MYO6: variants seen among roughly 807,000 people sequenced by gnomAD.
The protein encoded by MYO6 is unconventional myosin-VI.
MYO6 carries 74 observed loss-of-function variants against 178.7 expected under a neutral mutation model. That is an observed-to-expected ratio of 0.41 (90% CI 0.34 to 0.50). The LOEUF is 0.50. Ranked by LOEUF, MYO6 falls within the 20% of genes least tolerant of loss-of-function variation. MYO6 has a pLI of 0.09. For synonymous variants in MYO6, 477 were observed against 504.6 expected, an observed-to-expected ratio of 0.95 and a Z score of 0.73; for missense variants, 1,330 against 1,547.4, an observed-to-expected ratio of 0.86 and a Z score of 2.36.
intron 28 of MYO6, 27 bp downstream of exon 28, chr6:75,892,717 G>A (rs759982283): frequency 9.5e-5 from 153 of 1,611,390 alleles, no homozygotes; most frequent in Admixed American, 1.7e-4. Context: ...GTGGGGTATA[G>A]CGCTCTCTCC....
At chr6:75,831,488 A>C (rs1773070097) in intron 5 of MYO6, among the ~76,000 whole-genome samples, 1 of 152,252 alleles carries the variant, frequency 6.6e-6, no homozygotes, top group Non-Finnish European at 1.5e-5. Flanking sequence ...CCCATCCCTT[A>C]GAACCTGAAT....
chr6:75,785,530 G>A (rs1048304391), intron 1 of MYO6, among the ~76,000 whole-genome samples: 1 of 146,792 alleles, frequency 6.8e-6, no homozygotes, highest in East Asian at 2.0e-4. Context: ...AGACTGCAGT[G>A]GCTATTCACA....
chr6:75,822,499 A>C (rs1771994023), intron 2 of MYO6, among the ~76,000 whole-genome samples: 1 of 139,018 alleles, frequency 7.2e-6, no homozygotes. Context: ...TTTAATATTA[A>C]TATACCTCTT....
At chr6:75,767,342 G>T (rs539539757) in intron 1 of MYO6, among the ~76,000 whole-genome samples, 1 of 151,918 alleles carries the variant, frequency 6.6e-6, no homozygotes, top group South Asian at 2.1e-4. Context: ...TTATTCTTGA[G>T]TGTTGCATTC....
chr6:75,877,967 A>G (rs1777695761), intron 20 of MYO6, among the ~76,000 whole-genome samples: 1 of 152,178 alleles, frequency 6.6e-6, no homozygotes. Context: ...GTACTTGTTT[A>G]TTTGATACAA....
chr6:75,752,413 A>G (rs1481487861), intron 1 of MYO6, among the ~76,000 whole-genome samples: 5 of 152,194 alleles, frequency 3.3e-5, no homozygotes, highest in Admixed American at 2.6e-4. Flanking sequence ...CTTGATCTAC[A>G]AAATAATTTT....
intron 16 of MYO6, 44 bp from the exon 17 acceptor site, chr6:75,866,482 A>G: frequency 7.1e-7 from 1 of 1,406,740 alleles, no homozygotes; most frequent in Non-Finnish European, 1.0e-6. Flanking sequence ...ATTATGTAAT[A>G]TATTTTTGAT....
At chr6:75,844,568 TGATTTTATACACTATGTTTA>T (rs1774546543) in intron 9 of MYO6, among the ~76,000 whole-genome samples, 1 of 152,162 alleles carries the variant, frequency 6.6e-6, no homozygotes, top group Admixed American at 6.5e-5. Flanking sequence ...GTGATTTTCA[TGATTTTATACACTATGTTTA>T]GATTTTTGAT....
intron 1 of MYO6, among the ~76,000 whole-genome samples, chr6:75,806,914 C>CTG (rs112070100): frequency 1.3e-4 from 20 of 151,970 alleles, no homozygotes; most frequent in South Asian, 8.3e-4. Context: ...CTCTATATTT[C>CTG]TGTGTGTGTG....
At chr6:75,777,610 T>TA (rs1562142373) in intron 1 of MYO6, among the ~76,000 whole-genome samples, 5 of 150,652 alleles carry the variant, frequency 3.3e-5, no homozygotes, top group African/African-American at 1.2e-4. Flanking sequence ...ATATATATAT[T>TA]TTTTTTTGTG....
At chr6:75,826,440 A>T (rs1487061929) in intron 3 of MYO6, among the ~76,000 whole-genome samples, 1 of 152,200 alleles carries the variant, frequency 6.6e-6, no homozygotes, top group East Asian at 1.9e-4. Context: ...GTGTAGGCTT[A>T]TATGATTAGC....
At chr6:75,850,313 A>G (rs1775139783) in intron 11 of MYO6, among the ~76,000 whole-genome samples, 1 of 152,240 alleles carries the variant, frequency 6.6e-6, no homozygotes, top group Admixed American at 6.5e-5. Flanking sequence ...GACTCTTCTT[A>G]TTCTGCATTT....
At chr6:75,869,319 A>G in intron 18 of MYO6, among the ~76,000 whole-genome samples, 1 of 152,110 alleles carries the variant, frequency 6.6e-6, no homozygotes, top group Non-Finnish European at 1.5e-5. Flanking sequence ...TATGTGATGT[A>G]TACTGTAATA....
chr6:75,832,391 G>GA (rs1231365682), intron 5 of MYO6, among the ~76,000 whole-genome samples: 5 of 151,998 alleles, frequency 3.3e-5, no homozygotes, highest in African/African-American at 1.2e-4. Flanking sequence ...TTGTATTAGA[G>GA]AAAAAAACCC....
rs1775620250 is a variant in MYO6, at chr6:75,855,040, T to C, written c.1079-99T>C. ...AGTTACAAATAAGCCTTGCCTATTA[T>C]ATGGTTTTTTGTAAGTGAAGTATAA... On this transcript the variant is annotated intron_variant, in intron 11 of 34. Coordinates refer to ENST00000369977, the MANE Select transcript of MYO6 (RefSeq NM_004999.4). 7 of 1,085,522 alleles carry C rather than the reference T, an allele frequency of 6.4e-6. No individual in the cohort carries two copies. In the South Asian group the frequency reaches 8.5e-5, roughly 13 times the overall value. 67.2% of individuals were successfully genotyped at this position (1,085,522 alleles called of 1,614,324 possible).
intron 23 of MYO6, 113 bp from the exon 24 acceptor site, chr6:75,885,891 G>T (rs1231609612): frequency 2.9e-6 from 2 of 693,914 alleles, no homozygotes; most frequent in Non-Finnish European, 2.5e-6. Context: ...TAATAATATG[G>T]TCGTCAAGAT....
chr6:75,806,134 A>G (rs1212381423), intron 1 of MYO6, among the ~76,000 whole-genome samples: 1 of 152,234 alleles, frequency 6.6e-6, no homozygotes, highest in East Asian at 1.9e-4. Context: ...ACATTAAAAA[A>G]AGAGGTTTAT....
rs6911870 is a variant in MYO6, at chr6:75,842,756, C to T, written c.816+1378C>T. On this transcript the variant is annotated intron_variant, in intron 9 of 34. Coordinates refer to ENST00000369977, the MANE Select transcript of MYO6 (RefSeq NM_004999.4). ...TACATGAAATATAATAATGATGATA[C>T]GGTTTTGTCAATACTTAGCTGACAA... Among the ~76,000 whole-genome samples, 444 of 152,154 alleles carry T rather than the reference C, an allele frequency of 2.9e-3. 4 individuals are homozygous for T. The highest frequency in any genetic ancestry group is 0.01 in the African/African-American group (421 of 41,498).
chr6:75,773,621 A>G (rs982528939), intron 1 of MYO6, among the ~76,000 whole-genome samples: 2 of 152,192 alleles, frequency 1.3e-5, no homozygotes, highest in Non-Finnish European at 2.9e-5. Flanking sequence ...ACACAGTCCC[A>G]CCATCATCAA....
Sources: allele counts gnomAD v4.1 joint callset (sites outside exome capture counted in the v4.1 genomes callset), GRCh38; gene constraint gnomAD v4.1.1; transcripts MANE v1.5; gene names NCBI Gene and HGNC (gene_info 2026-07-23, HGNC 2026-07-21).